The following ANKRD36 variants were observed in gnomAD, a reference collection of about 807,000 sequenced individuals.
The protein encoded by ANKRD36 is ankyrin repeat domain 36.
In ANKRD36, 179 loss-of-function variants were observed where a neutral mutation model predicts 278.1. That is an observed-to-expected ratio of 0.64 (90% CI 0.57 to 0.73). The LOEUF is 0.73. Ranked by LOEUF, ANKRD36 falls within the 30% of genes least tolerant of loss-of-function variation. The pLI is 0.00. For synonymous variants in ANKRD36, 320 were observed against 641.1 expected (o/e 0.50, Z 7.57); for missense variants, 1,159 against 1,956.7 (o/e 0.59, Z 7.69).
At chr2:97,205,872 T>C in intron 50 of ANKRD36, 68 bp from the exon 51 acceptor site, 1 of 1,490,516 alleles carries the variant, frequency 6.7e-7, no homozygotes. Context: ...ATGCTAACTC[T>C]GCTTGAATGT....
chr2:97,199,901 TAA>T (rs2060849268), intron 44 of ANKRD36, among the ~76,000 whole-genome samples: 1 of 151,924 alleles, frequency 6.6e-6, no homozygotes, highest in South Asian at 2.1e-4. Flanking sequence ...TTGGGCAAGT[TAA>T]AGAGCATGAT....
intron 30 of ANKRD36, among the ~76,000 whole-genome samples, chr2:97,186,791 G>T (rs1413538363): frequency 1.3e-5 from 2 of 151,864 alleles, no homozygotes; most frequent in Non-Finnish European, 1.5e-5. Context: ...AATGTTTGCA[G>T]TATAATGGCG....
Position 97,186,842 on chromosome 2 carries a change from A to G in ANKRD36, c.2042-356A>G, listed in dbSNP as rs2057505929. Among the ~76,000 whole-genome samples the G allele has an allele frequency of 2.0e-5, 3 of 151,884 alleles. No homozygotes were observed. The South Asian group carries it at 6.3e-4, about 32-fold the overall frequency. ...TCTTGCATAAAAGACATGTGGGTGC[A>G]TGTGCCACCTGCTTTGACATTTTCC... On this transcript the variant is annotated intron_variant, in intron 30 of 75. Transcript: ENST00000420699.
intron 6 of ANKRD36, among the ~76,000 whole-genome samples, chr2:97,142,312 T>C (rs1245179519): frequency 6.6e-6 from 1 of 152,150 alleles, no homozygotes; most frequent in Non-Finnish European, 1.5e-5. Flanking sequence ...GATTCCCAGG[T>C]GCATGAGTTG....
chr2:97,154,417 G>A (rs1415175424), intron 14 of ANKRD36, among the ~76,000 whole-genome samples: 2 of 147,610 alleles, frequency 1.4e-5, no homozygotes, highest in Non-Finnish European at 3.1e-5. Flanking sequence ...TTTGTTATGG[G>A]TTTAAGGGTG....
chr2:97,125,506 T>A (rs2038343983), intron 5 of ANKRD36, among the ~76,000 whole-genome samples: 1 of 150,618 alleles, frequency 6.6e-6, no homozygotes, highest in African/African-American at 2.4e-5. Context: ...CAAATATTAG[T>A]TGGGATAGTT....
chr2:97,163,375 A>G, intron 18 of ANKRD36: 2 of 408,708 alleles, frequency 4.9e-6, no homozygotes, highest in Non-Finnish European at 9.6e-6. Flanking sequence ...TAGTTATTTG[A>G]TGTGTAATGC....
intron 24 of ANKRD36, among the ~76,000 whole-genome samples, chr2:97,180,523 C>A (rs1257423124): frequency 6.6e-6 from 1 of 151,626 alleles, no homozygotes; most frequent in East Asian, 1.9e-4. Context: ...TTGATTTTGG[C>A]TGCTCCAAGA....
At chr2:97,201,597 A>C (rs1403751559) in intron 46 of ANKRD36, among the ~76,000 whole-genome samples, 2 of 151,940 alleles carry the variant, frequency 1.3e-5, no homozygotes, top group Non-Finnish European at 2.9e-5. Flanking sequence ...CAAGAAGCTT[A>C]TGCAAATTAT....
At chr2:97,203,416 C>G (rs111301234) in intron 48 of ANKRD36, among the ~76,000 whole-genome samples, 1,856 of 151,694 alleles carry the variant, frequency 0.012, 6 homozygotes, top group African/African-American at 0.043. Context: ...CGTGCCACGA[C>G]TGGATGAAGA....
intron 4 of ANKRD36, among the ~76,000 whole-genome samples, chr2:97,123,613 TTA>T (rs59057238): frequency 0.014 from 925 of 64,616 alleles, 127 homozygotes; most frequent in East Asian, 0.13. Flanking sequence ...GTAAGTAACA[TTA>T]TATATATATA....
intron 15 of ANKRD36, among the ~76,000 whole-genome samples, 153 bp downstream of exon 15, chr2:97,154,894 A>AG (rs373528960): frequency 6.9e-6 from 1 of 145,064 alleles, no homozygotes; most frequent in Admixed American, 6.8e-5. Context: ...TTAAAGAAAT[A>AG]GGGGGGGTTA....
chr2:97,148,100 G>C (rs994125940), intron 11 of ANKRD36, among the ~76,000 whole-genome samples: 45 of 152,032 alleles, frequency 3.0e-4, no homozygotes, highest in African/African-American at 1.0e-3. Flanking sequence ...TCAAGAACCA[G>C]GGAGCTGGAG....
In ANKRD36 at chr2:97,158,179, G is replaced by C. The variant is rs1266023977; in HGVS notation, c.1321+12G>C. 4 of 1,470,740 alleles carry C rather than the reference G, an allele frequency of 2.7e-6. No individual in the cohort carries two copies. Among genetic ancestry groups the C allele is most frequent in the Non-Finnish European group, 3.7e-6 (4 of 1,089,326 alleles). The allele number at this position is 1,470,740 out of a possible 1,614,324, so 91.1% of individuals were successfully genotyped here. ...ATCTGCAGAAAATTGTAAGCTATTT[G>C]AAACCTGACTATTATATTATCTACT... is the stretch of plus-strand genomic sequence containing the variant. On this transcript the variant is annotated intron_variant, in intron 16 of 75. Coordinates refer to ENST00000420699, the MANE Select transcript of ANKRD36 (RefSeq NM_001354587.1).
At position 97,156,983 on chromosome 2, in the gene ANKRD36, G is replaced by GT. The variant is rs1490706187; in HGVS notation, c.1261-1117dup. 6.6e-5 allele frequency among the ~76,000 whole-genome samples: 10 copies of GT among 151,800 alleles called. No homozygotes were observed. In the East Asian group the frequency reaches 1.6e-3, roughly 24 times the overall value. On this transcript the variant is annotated intron_variant, in intron 15 of 75. Coordinates refer to ENST00000420699, the MANE Select transcript of ANKRD36 (RefSeq NM_001354587.1). The stretch of plus-strand genomic sequence containing the variant: ...TCTCTGATGGCCAGTGATGGTGAGC[G>GT]TTTTTTTCATGTGTTTTTTGGCTGC...
intron 12 of ANKRD36, 89 bp downstream of exon 12, chr2:97,149,450 A>G: frequency 1.8e-6 from 2 of 1,116,930 alleles, no homozygotes. Flanking sequence ...TTGTCTACCT[A>G]TCATTGTTTT....
In ANKRD36 at chr2:97,142,657, C is replaced by A. The variant is rs62153044; in HGVS notation, c.817C>A (p.Pro273Thr). 3.5e-6 allele frequency: 5 copies of A among 1,444,482 alleles called. No homozygotes were observed. In the Admixed American group the frequency reaches 8.7e-5, roughly 25 times the overall value. The allele number at this position is 1,444,482 out of a possible 1,614,324, so 89.5% of individuals were successfully genotyped here. ...CTTTTCAGTGTCTTCTCAGAAACAA[C>A]CAGCCTTGAAGGTAATTACACATTC... ...NSNPVSSQKQPALKATSGKED... is the reference protein window; with the variant it reads ...NSNPVSSQKQTALKATSGKED... Residue 273 changes from proline (P) to threonine (T), a missense_variant, in exon 7 of 76, where the codon CCA (proline) becomes ACA (threonine). Transcript: ENST00000420699.
rs143709760 is a variant in ANKRD36, at chr2:97,141,194, T to TA, written c.800-1438dup. On this transcript the variant is annotated intron_variant, in intron 6 of 75. Coordinates refer to ENST00000420699, the MANE Select transcript of ANKRD36 (RefSeq NM_001354587.1). ...ATAAAATAATGTATATCTTGAGTAC[T>TA]AAAAAAAACTACCAATATTCTTGGC... Among the ~76,000 whole-genome samples the TA allele has an allele frequency of 1.1e-3, 171 of 150,840 alleles. 4 individuals carry two copies. The East Asian group carries it at 0.013, about 11-fold the overall frequency.
chr2:97,200,168 T>C lies in ANKRD36; in HGVS notation c.2756-166T>C, dbSNP rs1215372716. Among the ~76,000 whole-genome samples the C allele has an allele frequency of 3.3e-5, 5 of 151,992 alleles. No individual in the cohort carries two copies. The East Asian group carries it at 9.7e-4, about 30-fold the overall frequency. On this transcript the variant is annotated intron_variant, in intron 44 of 75. Transcript: ENST00000420699. ...TTCACAGAGCCTGTGTTCCCTTTTT[T>C]CAGTGTATTTCTGTCATGTTCTGAT... is the stretch of plus-strand genomic sequence containing the variant.
Sources: gnomAD v4.1 joint callset for allele counts (sites outside exome capture counted in the v4.1 genomes callset) on GRCh38, gnomAD v4.1.1 for gene constraint, MANE v1.5 for transcripts, NCBI Gene and HGNC (gene_info 2026-07-23, HGNC 2026-07-21) for gene names.